Variants in CHRM3 observed in about 807,000 individuals in gnomAD.
CHRM3 encodes the protein cholinergic receptor muscarinic 3.
In CHRM3, 11 loss-of-function variants were observed where a neutral mutation model predicts 41.8. That is an observed-to-expected ratio of 0.26 (90% confidence interval 0.17 to 0.44). The LOEUF is 0.44. CHRM3 is among the 20% of genes least tolerant of loss of function. The pLI is 1.00. For synonymous variants in CHRM3, 297 were observed against 301.4 expected (o/e 0.99, Z 0.15); for missense variants, 571 against 745.4 (o/e 0.77, Z 2.72).
intron 5 of CHRM3, among the ~76,000 whole-genome samples, chr1:239,710,745 A>G (rs1197439160): frequency 6.6e-6 from 1 of 151,980 alleles, no homozygotes; most frequent in Non-Finnish European, 1.5e-5. Context: ...GCTTGTTTCT[A>G]AGCATAAAGA....
At chr1:239,650,348 T>C (rs1042677228) in intron 4 of CHRM3, among the ~76,000 whole-genome samples, 2 of 152,244 alleles carry the variant, frequency 1.3e-5, no homozygotes, top group African/African-American at 2.4e-5. Flanking sequence ...CTCTAAGCCT[T>C]AGTTTCTCTC....
intron 2 of CHRM3, among the ~76,000 whole-genome samples, chr1:239,501,913 G>A (rs1449545379): frequency 6.6e-6 from 1 of 152,088 alleles, no homozygotes; most frequent in African/African-American, 2.4e-5. Flanking sequence ...AAACCTCTGG[G>A]ATACAGCAAA....
chr1:239,793,803 A>ATTTTTTTTTTTTTTTTTT lies in CHRM3; in HGVS notation c.-146-33441_-146-33424dup, dbSNP rs67460907. On this transcript the variant is annotated intron_variant, in intron 5 of 6. Transcript: ENST00000676153. The stretch of plus-strand genomic sequence containing the variant: ...TGAACTTGTCAGAAATGAAATGTGT[A>ATTTTTTTTTTTTTTTTTT]TTTTTTTTTTTTTTTTTTTTTTTTT... Among the ~76,000 whole-genome samples the ATTTTTTTTTTTTTTTTTT allele has an allele frequency of 4.0e-4, 28 of 69,494 alleles. 3 individuals carry two copies. The highest frequency in any genetic ancestry group is 1.6e-3 in the African/African-American group (26 of 16,148). 45.6% of individuals were successfully genotyped at this position (69,494 alleles called of 152,430 possible). A position where few individuals can be genotyped will look rare whatever the true frequency, so the allele number is the denominator to read the frequency against.
At chr1:239,739,844 G>A (rs990109511) in intron 5 of CHRM3, among the ~76,000 whole-genome samples, 1 of 152,104 alleles carries the variant, frequency 6.6e-6, no homozygotes, top group African/African-American at 2.4e-5. Flanking sequence ...GCACTCTGCT[G>A]GCTGATGGGC....
chr1:239,730,496 G>A (rs1284605896), intron 5 of CHRM3: 1 of 151,966 alleles, frequency 6.6e-6, no homozygotes, highest in East Asian at 1.9e-4. Context: ...GCTTCTTAAG[G>A]GAAATATTCT....
At chr1:239,760,410 G>T (rs557269615) in intron 5 of CHRM3, among the ~76,000 whole-genome samples, 1 of 151,638 alleles carries the variant, frequency 6.6e-6, no homozygotes, top group South Asian at 2.1e-4. Context: ...ATTGTAGCAC[G>T]GCAGTCAAGA....
intron 5 of CHRM3, among the ~76,000 whole-genome samples, chr1:239,750,776 A>G (rs1201837649): frequency 1.3e-5 from 2 of 152,170 alleles, no homozygotes; most frequent in South Asian, 2.1e-4. Context: ...TCTCTCTTAC[A>G]ATGTAGCATC....
chr1:239,861,783 T>A (rs567056830), intron 6 of CHRM3, among the ~76,000 whole-genome samples: 1 of 152,368 alleles, frequency 6.6e-6, no homozygotes, highest in African/African-American at 2.4e-5. Flanking sequence ...AGGGTTCCAT[T>A]TTGTTTTAGT....
intron 5 of CHRM3, among the ~76,000 whole-genome samples, chr1:239,816,733 T>A (rs1671620939): frequency 1.4e-4 from 1 of 7,156 alleles, no homozygotes; most frequent in Non-Finnish European, 4.7e-4. Flanking sequence ...TGCCTCAGTC[T>A]TTTTTTTTTT....
intron 6 of CHRM3, among the ~76,000 whole-genome samples, chr1:239,894,722 C>T (rs551153637): frequency 3.3e-5 from 5 of 151,792 alleles, no homozygotes; most frequent in African/African-American, 9.7e-5. Flanking sequence ...CATGAGCCAC[C>T]GCGCCCGACC....
At chr1:239,721,956 A>G (rs1455793784) in intron 5 of CHRM3, among the ~76,000 whole-genome samples, 10 of 151,796 alleles carry the variant, frequency 6.6e-5, no homozygotes, top group African/African-American at 1.9e-4. Flanking sequence ...CACTTTTAAA[A>G]GGGGTGAAAT....
At chr1:239,389,769 T>C (rs760244621) in intron 1 of CHRM3, among the ~76,000 whole-genome samples, 1 of 152,236 alleles carries the variant, frequency 6.6e-6, no homozygotes, top group Non-Finnish European at 1.5e-5. Flanking sequence ...GCCAACATAT[T>C]GTTCTTGCCT....
chr1:239,407,347 T>C (rs1660671498), intron 1 of CHRM3, among the ~76,000 whole-genome samples: 1 of 151,400 alleles, frequency 6.6e-6, no homozygotes, highest in South Asian at 2.1e-4. Flanking sequence ...ATTTATTTTT[T>C]CACTCACTGT....
chr1:239,697,112 T>C lies in CHRM3; in HGVS notation c.-147+18824T>C, dbSNP rs548800840. Among the ~76,000 whole-genome samples the C allele has an allele frequency of 1.8e-4, 28 of 152,292 alleles. No homozygotes were observed. The South Asian group carries it at 5.6e-3, about 30-fold the overall frequency. On this transcript the variant is annotated intron_variant, in intron 5 of 6. Coordinates refer to ENST00000676153, the MANE Select transcript of CHRM3 (RefSeq NM_001375978.1). ...TGAAGTAAAGTAAATATGCAAGTAA[T>C]ATCAATATGGCAACATGTCTGATAT...
chr1:239,646,645 G>C (rs1042057916), intron 4 of CHRM3, among the ~76,000 whole-genome samples: 2 of 152,152 alleles, frequency 1.3e-5, no homozygotes, highest in Non-Finnish European at 2.9e-5. Flanking sequence ...CACTGCAAGG[G>C]ATCATGGGTA....
intron 5 of CHRM3, chr1:239,730,285 T>C (rs951595258): frequency 2.6e-5 from 4 of 151,902 alleles, no homozygotes; most frequent in African/African-American, 9.7e-5. Context: ...TAAAGAGAAC[T>C]TCAGAGCAAA....
intron 6 of CHRM3, among the ~76,000 whole-genome samples, chr1:239,859,401 T>TTTGTTG (rs1174146717): frequency 8.2e-5 from 12 of 145,950 alleles, no homozygotes; most frequent in South Asian, 4.3e-4. Context: ...GCCTGTTTTT[T>TTTGTTG]TTGTTGTTGT....
intron 1 of CHRM3, among the ~76,000 whole-genome samples, chr1:239,418,801 C>G (rs1661706941): frequency 6.6e-6 from 1 of 152,074 alleles, no homozygotes; most frequent in South Asian, 2.1e-4. Context: ...GAAACAGTGC[C>G]CAGGATAATC....
At chr1:239,443,527 A>G (rs778297498) in intron 1 of CHRM3, among the ~76,000 whole-genome samples, 6 of 152,242 alleles carry the variant, frequency 3.9e-5, no homozygotes, top group Non-Finnish European at 7.3e-5. Context: ...AGTGTCTGTG[A>G]AGAAAAACTG....
Sources: gnomAD v4.1 joint callset for allele counts (sites outside exome capture counted in the v4.1 genomes callset) on GRCh38, gnomAD v4.1.1 for gene constraint, MANE v1.5 for transcripts, NCBI Gene and HGNC (gene_info 2026-07-23, HGNC 2026-07-21) for gene names.